The following SMAP1 variants were observed in gnomAD, a reference collection of about 807,000 sequenced individuals.
SMAP1 encodes small ArfGAP 1.
In SMAP1, 24 loss-of-function variants were observed where a neutral mutation model predicts 58.5. The ratio of observed to expected loss-of-function variants is 0.41; its 90% CI spans 0.30 to 0.58. The LOEUF (loss-of-function observed/expected upper bound fraction) is 0.58, where lower values mean the gene tolerates loss of function less well. Ranked by LOEUF, SMAP1 falls within the 20% of genes least tolerant of loss-of-function variation. The probability of loss-of-function intolerance (pLI) is 0.29; values close to 1 mark genes in which losing one functional copy is unlikely to be tolerated. For synonymous variants in SMAP1, 216 were observed against 196.6 expected, an observed-to-expected ratio of 1.10 and a Z score of -0.82; for missense variants, 563 against 566.3, an observed-to-expected ratio of 0.99 and a Z score of 0.06.
At chr6:70,820,100 G>A (rs953611091) in intron 6 of SMAP1, among the ~76,000 whole-genome samples, 7 of 152,046 alleles carry the variant, frequency 4.6e-5, no homozygotes, top group African/African-American at 1.7e-4. Flanking sequence ...GGAGCTATAG[G>A]GATGTGATTA....
At chr6:70,796,963 A>G (rs1768632830) in intron 5 of SMAP1, among the ~76,000 whole-genome samples, 1 of 152,276 alleles carries the variant, frequency 6.6e-6, no homozygotes, top group African/African-American at 2.4e-5. Context: ...TTGCAAAGCA[A>G]TATACCAATA....
intron 7 of SMAP1, among the ~76,000 whole-genome samples, chr6:70,838,670 G>T (rs1770693164): frequency 6.6e-6 from 1 of 151,872 alleles, no homozygotes; most frequent in Non-Finnish European, 1.5e-5. Flanking sequence ...GCAAGGACCA[G>T]CAAGGATGAC....
intron 2 of SMAP1, among the ~76,000 whole-genome samples, chr6:70,750,787 T>G (rs1051411100): frequency 3.9e-5 from 6 of 152,212 alleles, no homozygotes; most frequent in African/African-American, 1.4e-4. Flanking sequence ...TATTACACCA[T>G]TTCCAGGTGA....
intron 2 of SMAP1, among the ~76,000 whole-genome samples, chr6:70,747,580 C>T (rs1326037932): frequency 6.6e-6 from 1 of 152,070 alleles, no homozygotes. Flanking sequence ...CAGGAGATGC[C>T]TACAAAGAAT....
At chr6:70,704,147 A>AT (rs1289900866) in intron 1 of SMAP1, among the ~76,000 whole-genome samples, 4 of 152,150 alleles carry the variant, frequency 2.6e-5, no homozygotes, top group Non-Finnish European at 4.4e-5. Context: ...TGAAACTTAT[A>AT]TTTTTCCTAG....
intron 3 of SMAP1, among the ~76,000 whole-genome samples, chr6:70,763,810 C>T (rs1008571353): frequency 6.6e-6 from 1 of 152,216 alleles, no homozygotes; most frequent in Non-Finnish European, 1.5e-5. Flanking sequence ...AAAGCCTAAT[C>T]CTTAACAAAG....
At chr6:70,784,146 T>C (rs887671444) in intron 4 of SMAP1, among the ~76,000 whole-genome samples, 23 of 152,194 alleles carry the variant, frequency 1.5e-4, no homozygotes, top group African/African-American at 5.3e-4. Context: ...GGGGCCAATA[T>C]TCAGCATTCT....
chr6:70,835,952 T>C (rs1027078600), intron 6 of SMAP1, among the ~76,000 whole-genome samples: 4 of 152,202 alleles, frequency 2.6e-5, no homozygotes, highest in Non-Finnish European at 5.9e-5. Context: ...TCCTGAGAAC[T>C]AGAAGAATAT....
chr6:70,762,178 G>T (rs1766778903), intron 3 of SMAP1, among the ~76,000 whole-genome samples: 1 of 152,098 alleles, frequency 6.6e-6, no homozygotes, highest in Non-Finnish European at 1.5e-5. Flanking sequence ...TAATCCATTT[G>T]GCTGTTCTTT....
At chr6:70,755,543 T>C (rs894351426) in intron 3 of SMAP1, among the ~76,000 whole-genome samples, 4 of 152,034 alleles carry the variant, frequency 2.6e-5, no homozygotes, top group Non-Finnish European at 4.4e-5. Context: ...GCACATTTAA[T>C]GTAGGCTAGG....
chr6:70,746,490 G>A (rs1766047294), intron 2 of SMAP1, among the ~76,000 whole-genome samples: 2 of 152,186 alleles, frequency 1.3e-5, no homozygotes, highest in Admixed American at 1.3e-4. Context: ...ATTTGCTTAT[G>A]TTGAACCAGC....
At chr6:70,811,059 A>G (rs2149969814) in intron 6 of SMAP1, among the ~76,000 whole-genome samples, 1 of 152,358 alleles carries the variant, frequency 6.6e-6, no homozygotes, top group South Asian at 2.1e-4. Context: ...TCAAAGGATA[A>G]TAGGCTTTTA....
chr6:70,668,696 A>T, intron 1 of SMAP1: 1 of 1,536,060 alleles, frequency 6.5e-7, no homozygotes, highest in Non-Finnish European at 8.7e-7. Flanking sequence ...TTCCTGAAAA[A>T]GAGTATGGTG....
intron 1 of SMAP1, among the ~76,000 whole-genome samples, chr6:70,714,828 A>G (rs998809650): frequency 1.3e-5 from 2 of 152,256 alleles, no homozygotes; most frequent in East Asian, 1.9e-4. Flanking sequence ...TTGGTTTGAG[A>G]ACACCTTTAT....
At chr6:70,778,464 A>T (rs923346079) in intron 4 of SMAP1, among the ~76,000 whole-genome samples, 3 of 152,244 alleles carry the variant, frequency 2.0e-5, no homozygotes, top group African/African-American at 4.8e-5. Context: ...TGTTGAAAAG[A>T]TGATAAAGTT....
chr6:70,819,038 C>G (rs1031387267), intron 6 of SMAP1, among the ~76,000 whole-genome samples: 9 of 152,120 alleles, frequency 5.9e-5, no homozygotes, highest in African/African-American at 2.2e-4. Context: ...TTTCTCCTTT[C>G]CACAGCTCCT....
chr6:70,752,895 C>T (rs1308733908), intron 2 of SMAP1, among the ~76,000 whole-genome samples: 1 of 152,066 alleles, frequency 6.6e-6, no homozygotes, highest in East Asian at 1.9e-4. Flanking sequence ...TGCACTTTTA[C>T]GCAGTCACTT....
chr6:70,670,177 G>T (rs541267734), intron 1 of SMAP1, among the ~76,000 whole-genome samples: 35 of 152,288 alleles, frequency 2.3e-4, no homozygotes, highest in African/African-American at 8.2e-4. Context: ...AGAAGTGAAG[G>T]AAGTGGGAGA....
intron 1 of SMAP1, among the ~76,000 whole-genome samples, chr6:70,672,168 T>G (rs1766294105): frequency 6.6e-6 from 1 of 152,212 alleles, no homozygotes; most frequent in Non-Finnish European, 1.5e-5. Flanking sequence ...GTGGGTTGTG[T>G]TTTTGCAAAT....
Sources: gnomAD v4.1 joint callset for allele counts (sites outside exome capture counted in the v4.1 genomes callset) on GRCh38, gnomAD v4.1.1 for gene constraint, MANE v1.5 for transcripts, NCBI Gene and HGNC (gene_info 2026-07-23, HGNC 2026-07-21) for gene names.